The following AFF2 variants were observed in gnomAD, a reference collection of about 807,000 sequenced individuals.
AFF2 encodes the protein AF4/FMR2 family member 2.
Under a neutral mutation model 76.9 loss-of-function variants are expected in AFF2, and 14 were observed. The observed-to-expected ratio is 0.18, with a 90% CI of 0.12 to 0.28. AFF2 has a LOEUF of 0.28. Among genes scored for constraint, AFF2 ranks in the 10% least tolerant of loss-of-function variants. AFF2 has a pLI of 1.00. For missense variants in AFF2, 868 were observed against 1,001.1 expected (o/e 0.87, Z 1.79); for synonymous variants, 398 against 366.7 (o/e 1.09, Z -0.98).
chrX:148,979,870 G>T (rs2072371136), intron 18 of AFF2, among the ~76,000 whole-genome samples: 1 of 112,163 alleles, frequency 8.9e-6, no homozygotes, highest in East Asian at 2.8e-4. Flanking sequence ...CTCTTTCCCT[G>T]ACCCTCCTTT....
intron 3 of AFF2, among the ~76,000 whole-genome samples, chrX:148,781,829 G>A (rs1044049652): frequency 6.3e-5 from 7 of 111,900 alleles, no homozygotes; most frequent in Non-Finnish European, 1.1e-4. Flanking sequence ...CCCTTGTGGT[G>A]TAGGCACCCG....
chrX:148,864,572 A>G (rs782623433), intron 7 of AFF2, among the ~76,000 whole-genome samples: 2 of 112,328 alleles, frequency 1.8e-5, no homozygotes, highest in Middle Eastern at 9.1e-3. Context: ...GCTGTGAGAT[A>G]TATCATAGAA....
intron 1 of AFF2, among the ~76,000 whole-genome samples, chrX:148,575,066 G>A (rs781997302): frequency 9.2e-6 from 1 of 108,896 alleles, no homozygotes; most frequent in African/African-American, 3.3e-5. Context: ...TTTTTTGTCC[G>A]ACATAGCACT....
intron 12 of AFF2, among the ~76,000 whole-genome samples, chrX:148,958,894 A>G (rs1259254594): frequency 9.1e-6 from 1 of 110,492 alleles, no homozygotes; most frequent in Non-Finnish European, 1.9e-5. Context: ...TGATCTTGAC[A>G]GAACGAGGCA....
At chrX:148,954,340 A>G in intron 10 of AFF2, among the ~76,000 whole-genome samples, 1 of 112,307 alleles carries the variant, frequency 8.9e-6, no homozygotes, top group Admixed American at 9.4e-5. Context: ...TGAGTCCAGG[A>G]TAGCCGCTCA....
chrX:148,514,820 C>G (rs1557233599), intron 1 of AFF2, among the ~76,000 whole-genome samples: 1 of 112,299 alleles, frequency 8.9e-6, no homozygotes, highest in African/African-American at 3.2e-5. Context: ...TGGAAAAAGA[C>G]AGCTTATGAT....
At chrX:148,616,722 C>T (rs183409471) in intron 1 of AFF2, among the ~76,000 whole-genome samples, 113 of 109,373 alleles carry the variant, frequency 1.0e-3, no homozygotes, top group African/African-American at 3.6e-3. Context: ...ATCCCTCCCC[C>T]CTTCCCCCAC....
intron 8 of AFF2, among the ~76,000 whole-genome samples, chrX:148,889,327 A>T (rs1275577496): frequency 9.0e-6 from 1 of 111,139 alleles, no homozygotes; most frequent in African/African-American, 3.3e-5. Context: ...GTGACAGGTC[A>T]TGTGCACAAA....
At chrX:148,877,636 C>T (rs2071049877) in intron 7 of AFF2, among the ~76,000 whole-genome samples, 1 of 112,287 alleles carries the variant, frequency 8.9e-6, no homozygotes, top group Non-Finnish European at 1.9e-5. Context: ...GTAGACAGGC[C>T]TTCTTGACAA....
At chrX:148,624,518 T>C (rs782153092) in intron 1 of AFF2, among the ~76,000 whole-genome samples, 60 of 112,398 alleles carry the variant, frequency 5.3e-4, no homozygotes, top group Non-Finnish European at 9.8e-4. Context: ...TTGATTTATG[T>C]ATATTTTTTC....
chrX:148,928,704 A>C (rs782357538), intron 9 of AFF2, among the ~76,000 whole-genome samples: 3 of 112,350 alleles, frequency 2.7e-5, no homozygotes, highest in Non-Finnish European at 3.8e-5. Context: ...ATGCTGTCAG[A>C]CAACCTACCA....
intron 7 of AFF2, among the ~76,000 whole-genome samples, chrX:148,855,046 A>G (rs2032136578): frequency 8.9e-6 from 1 of 111,895 alleles, no homozygotes; most frequent in South Asian, 3.8e-4. Flanking sequence ...ACTATTTTGC[A>G]CAAAACAGAT....
intron 7 of AFF2, 145 bp downstream of exon 7, chrX:148,843,578 G>C (rs868929301): frequency 8.5e-6 from 4 of 468,873 alleles, no homozygotes; most frequent in Admixed American, 3.7e-5. Context: ...TGGTTGGGGT[G>C]GGGGGAGAAT....
chrX:148,620,730 C>T (rs1557251134), intron 1 of AFF2, among the ~76,000 whole-genome samples: 1 of 111,025 alleles, frequency 9.0e-6, no homozygotes, highest in Non-Finnish European at 1.9e-5. Flanking sequence ...TTTTATTTTT[C>T]CTCTAGGAGA....
intron 7 of AFF2, among the ~76,000 whole-genome samples, chrX:148,875,905 C>T (rs191360251): frequency 8.1e-4 from 90 of 111,036 alleles, no homozygotes; most frequent in African/African-American, 2.7e-3. Flanking sequence ...ATATATAGTT[C>T]AGTTGCATTT....
intron 1 of AFF2, among the ~76,000 whole-genome samples, chrX:148,608,257 C>A: frequency 9.0e-6 from 1 of 111,481 alleles, no homozygotes; most frequent in Non-Finnish European, 1.9e-5. Context: ...TTCCAAATGG[C>A]TTTATGAAGC....
In AFF2 at chrX:148,991,365, A is replaced by G; in HGVS notation, c.*33A>G. The G allele has an allele frequency of 2.6e-6, 3 of 1,174,299 alleles. No homozygotes were observed. Among genetic ancestry groups the G allele is most frequent in the Non-Finnish European group, 3.4e-6 (3 of 872,609 alleles). On this transcript the variant is annotated 3_prime_UTR_variant, in exon 21 of 21. Coordinates refer to ENST00000370460, the MANE Select transcript of AFF2 (RefSeq NM_002025.4). The stretch of plus-strand genomic sequence containing the variant: ...TCTCAGATCTCTAGCATCACGACCC[A>G]TCACTCTACCTCTACCAGCGCACTG...
chrX:148,752,424 A>G (rs2055512905), intron 3 of AFF2, among the ~76,000 whole-genome samples: 1 of 111,840 alleles, frequency 8.9e-6, no homozygotes. Context: ...GAAGTGGGCA[A>G]TTTAGTCAAA....
At chrX:148,858,764 T>C (rs1407852178) in intron 7 of AFF2, among the ~76,000 whole-genome samples, 1 of 110,468 alleles carries the variant, frequency 9.1e-6, no homozygotes, top group African/African-American at 3.3e-5. Context: ...CCGAAGTACA[T>C]AAACAAGGTT....
Sources: allele counts gnomAD v4.1 joint callset (sites outside exome capture counted in the v4.1 genomes callset), GRCh38; gene constraint gnomAD v4.1.1; transcripts MANE v1.5; gene names NCBI Gene and HGNC (gene_info 2026-07-23, HGNC 2026-07-21).